GAB1: variants seen among roughly 807,000 people sequenced by gnomAD.
GAB1 encodes the protein GRB2 associated binding protein 1.
In GAB1, 19 loss-of-function variants were observed where a neutral mutation model predicts 66.5. That is an observed-to-expected ratio of 0.29 (90% CI 0.20 to 0.42). The LOEUF (loss-of-function observed/expected upper bound fraction) is 0.42. GAB1 is among the 10% of genes least tolerant of loss of function. The pLI, the probability that GAB1 is intolerant of heterozygous loss-of-function variation, is 1.00. For missense variants in GAB1, 732 were observed against 858.5 expected (o/e 0.85, Z 1.84); for synonymous variants, 294 against 301.4 (o/e 0.98, Z 0.25).
At chr4:143,467,503 T>A (rs1242871239) in intron 9 of GAB1, among the ~76,000 whole-genome samples, 1 of 152,196 alleles carries the variant, frequency 6.6e-6, no homozygotes, top group Non-Finnish European at 1.5e-5. Context: ...TTATCAAATA[T>A]GTCTGGCCAA....
In GAB1 at chr4:143,381,206, C is replaced by A. The variant is rs1730642193; in HGVS notation, c.73-34271C>A. Among the ~76,000 whole-genome samples, 5 of 152,162 alleles carry A rather than the reference C, an allele frequency of 3.3e-5. No individual in the cohort carries two copies. In the South Asian group the frequency reaches 1.0e-3, roughly 32 times the overall value. ...GAAACCTTCAGAATCTAGTTTTCAT[C>A]TGTAATATAGGAATAATGATGATAA... is the stretch of plus-strand genomic sequence containing the variant. On this transcript the variant is annotated intron_variant, in intron 1 of 9. Transcript: ENST00000262994.
rs1056812701 is a variant in GAB1, at chr4:143,337,276, G to A, written c.72+16G>A. ...GAAGCGTTATGTAAGTAGAGCTGCG[G>A]GCACCACTCCGCGGGCCTCGGCGTC... is the stretch of plus-strand genomic sequence containing the variant. On this transcript the variant is annotated intron_variant, in intron 1 of 9. Coordinates refer to ENST00000262994, the MANE Select transcript of GAB1 (RefSeq NM_002039.4). 8 of 1,566,744 alleles carry A rather than the reference G, an allele frequency of 5.1e-6. No homozygotes were observed. In the African/African-American group the frequency reaches 6.7e-5, roughly 13 times the overall value.
intron 6 of GAB1, among the ~76,000 whole-genome samples, chr4:143,446,869 C>T (rs1296443462): frequency 2.0e-5 from 3 of 150,886 alleles, no homozygotes; most frequent in Non-Finnish European, 4.5e-5. Flanking sequence ...AGTCCTTGCC[C>T]ATGCCTATGT....
chr4:143,448,883 G>C (rs1157969891), intron 6 of GAB1, among the ~76,000 whole-genome samples: 2 of 151,062 alleles, frequency 1.3e-5, no homozygotes, highest in Non-Finnish European at 3.0e-5. Context: ...TGTGATGTTA[G>C]GGTGTCAATT....
intron 1 of GAB1, among the ~76,000 whole-genome samples, chr4:143,389,913 C>T (rs1206222489): frequency 6.6e-6 from 1 of 152,214 alleles, no homozygotes; most frequent in Non-Finnish European, 1.5e-5. Flanking sequence ...CCCTTCAATA[C>T]ATGCCTCACT....
intron 6 of GAB1, 55 bp from the exon 7 acceptor site, chr4:143,459,330 T>G: frequency 9.8e-7 from 1 of 1,017,034 alleles, no homozygotes; most frequent in Non-Finnish European, 1.5e-6. Context: ...GAGAATCTTG[T>G]TTGTTTTCCA....
intron 1 of GAB1, among the ~76,000 whole-genome samples, chr4:143,374,480 C>A (rs1190055005): frequency 2.6e-5 from 4 of 152,192 alleles, no homozygotes; most frequent in Admixed American, 2.0e-4. Flanking sequence ...TTCATAAACA[C>A]AGTATGTTCA....
intron 6 of GAB1, among the ~76,000 whole-genome samples, chr4:143,451,965 CT>C (rs1214216245): frequency 3.3e-5 from 5 of 151,796 alleles, no homozygotes; most frequent in Admixed American, 6.6e-5. Flanking sequence ...ACGTCAGGGC[CT>C]TCATTTTAAA....
At chr4:143,444,606 CT>C (rs1734413693) in intron 6 of GAB1, among the ~76,000 whole-genome samples, 1 of 151,956 alleles carries the variant, frequency 6.6e-6, no homozygotes, top group Non-Finnish European at 1.5e-5. Flanking sequence ...AATTTTTATT[CT>C]TTTGTATTTC....
chr4:143,464,132 G>T (rs1444111585), intron 8 of GAB1, among the ~76,000 whole-genome samples: 1 of 152,132 alleles, frequency 6.6e-6, no homozygotes, highest in Admixed American at 6.6e-5. Context: ...GATGATTCCA[G>T]TTTCTCCATG....
At chr4:143,388,364 A>T (rs1578638624) in intron 1 of GAB1, among the ~76,000 whole-genome samples, 1 of 152,150 alleles carries the variant, frequency 6.6e-6, no homozygotes, top group African/African-American at 2.4e-5. Context: ...AGTGTGTTTC[A>T]CTAAAAATGT....
intron 8 of GAB1, among the ~76,000 whole-genome samples, chr4:143,464,177 G>A (rs929738501): frequency 5.3e-5 from 8 of 152,054 alleles, no homozygotes; most frequent in African/African-American, 1.9e-4. Context: ...TATTTATATT[G>A]AGGACCAAAA....
Position 143,396,473 on chromosome 4 carries a change from C to CT in GAB1, c.73-19003dup, listed in dbSNP as rs773451433. Among the ~76,000 whole-genome samples the CT allele has an allele frequency of 1.8e-4, 27 of 152,192 alleles. No individual in the cohort carries two copies. The East Asian group carries it at 4.5e-3, about 25-fold the overall frequency. ...GTTCCAAGGAGCTAGAAGATGCACT[C>CT]TAAGACTGATTAAAAATAGCAGCTC... On this transcript the variant is annotated intron_variant, in intron 1 of 9. Transcript: ENST00000262994.
At chr4:143,453,395 TGAA>T (rs533165906) in intron 6 of GAB1, among the ~76,000 whole-genome samples, 2 of 152,150 alleles carry the variant, frequency 1.3e-5, no homozygotes, top group East Asian at 1.9e-4. Context: ...GTAATGAAGA[TGAA>T]GAAGAACTCG....
Position 143,472,198 on chromosome 4 carries a change from T to C in GAB1, c.*3009T>C, listed in dbSNP as rs1736109915. On this transcript the variant is annotated 3_prime_UTR_variant, in exon 10 of 10. Transcript: ENST00000262994. ...ATCTACACTTCAGTTTATACATCTT[T>C]ATCATTATCAATACTATATAAGTTA... is the stretch of plus-strand genomic sequence containing the variant. 1 of 152,228 alleles carries C rather than the reference T, an allele frequency of 6.6e-6. No individual in the cohort carries two copies. Among genetic ancestry groups the C allele is most frequent in the Admixed American group, 6.5e-5 (1 of 15,274 alleles). The allele number at this position is 152,228 out of a possible 1,614,324, so 9.4% of individuals were successfully genotyped here. A position where few individuals can be genotyped will look rare whatever the true frequency, so the allele number is the denominator to read the frequency against.
intron 6 of GAB1, among the ~76,000 whole-genome samples, chr4:143,454,114 A>G (rs1735062543): frequency 6.6e-6 from 1 of 152,222 alleles, no homozygotes; most frequent in African/African-American, 2.4e-5. Flanking sequence ...TGAGAAATAG[A>G]GAACAGAATG....
chr4:143,447,881 T>A (rs1246268435), intron 6 of GAB1, among the ~76,000 whole-genome samples: 2 of 152,200 alleles, frequency 1.3e-5, no homozygotes, highest in Non-Finnish European at 1.5e-5. Context: ...TCAAAGGGAA[T>A]GCTTCCAATT....
chr4:143,350,013 G>T (rs1328757883), intron 1 of GAB1: 12 of 1,563,316 alleles, frequency 7.7e-6, no homozygotes, highest in Non-Finnish European at 1.0e-5. Flanking sequence ...CGCGACCCCG[G>T]CCCCGGATGC....
At chr4:143,381,148 G>C (rs749850082) in intron 1 of GAB1, among the ~76,000 whole-genome samples, 5 of 152,214 alleles carry the variant, frequency 3.3e-5, no homozygotes, top group African/African-American at 9.7e-5. Context: ...TCAAATGCCA[G>C]TGCTACCTCT....
Sources: gnomAD v4.1 joint callset for allele counts (sites outside exome capture counted in the v4.1 genomes callset) on GRCh38, gnomAD v4.1.1 for gene constraint, MANE v1.5 for transcripts, NCBI Gene and HGNC (gene_info 2026-07-23, HGNC 2026-07-21) for gene names.